The following GRID1 variants were observed in gnomAD, a reference collection of about 807,000 sequenced individuals.
GRID1 encodes glutamate receptor ionotropic, delta-1.
In GRID1, 28 loss-of-function variants were observed where a neutral mutation model predicts 98.0. That is an observed-to-expected ratio of 0.29 (90% CI 0.21 to 0.39). GRID1 has a LOEUF of 0.39. Ranked by LOEUF, GRID1 falls within the 10% of genes least tolerant of loss-of-function variation. GRID1 has a pLI of 1.00. For missense variants in GRID1, 1,111 were observed against 1,340.5 expected (o/e 0.83, Z 2.67); for synonymous variants, 553 against 538.5 (o/e 1.03, Z -0.37).
chr10:86,245,689 G>A (rs1846715886), intron 2 of GRID1, among the ~76,000 whole-genome samples: 1 of 152,238 alleles, frequency 6.6e-6, no homozygotes, highest in South Asian at 2.1e-4. Context: ...GGTGGTCCTT[G>A]AAGCCACATG....
At chr10:85,803,194 ATAACT>A (rs200637845) in intron 8 of GRID1, among the ~76,000 whole-genome samples, 341 of 152,194 alleles carry the variant, frequency 2.2e-3, no homozygotes, top group African/African-American at 7.5e-3. Flanking sequence ...ATAGACAATA[ATAACT>A]TAACTGTATA....
At chr10:86,019,906 G>A (rs1432145012) in intron 4 of GRID1, among the ~76,000 whole-genome samples, 2 of 152,244 alleles carry the variant, frequency 1.3e-5, no homozygotes, top group Non-Finnish European at 2.9e-5. Context: ...TACATTGCCA[G>A]CTTCATCCTA....
intron 4 of GRID1, among the ~76,000 whole-genome samples, chr10:85,918,792 C>A (rs1476956592): frequency 6.6e-6 from 1 of 152,206 alleles, no homozygotes; most frequent in Non-Finnish European, 1.5e-5. Flanking sequence ...GACGTCCCAT[C>A]CCAGGAAGTG....
chr10:85,609,370 T>A (rs1388773270), intron 15 of GRID1, among the ~76,000 whole-genome samples: 1 of 152,198 alleles, frequency 6.6e-6, no homozygotes, highest in African/African-American at 2.4e-5. Flanking sequence ...ACCAAGCGTG[T>A]CTCTGGGCCA....
chr10:86,015,994 G>T (rs993964738), intron 4 of GRID1, among the ~76,000 whole-genome samples: 1 of 152,000 alleles, frequency 6.6e-6, no homozygotes, highest in African/African-American at 2.4e-5. Flanking sequence ...TGTGTTGAGG[G>T]GTTGCCACAT....
intron 8 of GRID1, among the ~76,000 whole-genome samples, chr10:85,800,849 C>G (rs1842569410): frequency 6.6e-6 from 1 of 151,966 alleles, no homozygotes; most frequent in Admixed American, 6.6e-5. Context: ...AACGGAAGCA[C>G]AGAGAGTTTA....
intron 13 of GRID1, among the ~76,000 whole-genome samples, chr10:85,631,358 C>A (rs1001204050): frequency 3.9e-5 from 6 of 152,226 alleles, no homozygotes; most frequent in African/African-American, 1.4e-4. Context: ...CCCTCTTCTG[C>A]TGCCAGATTC....
At chr10:85,769,534 C>T (rs1477148136) in intron 8 of GRID1, among the ~76,000 whole-genome samples, 2 of 152,172 alleles carry the variant, frequency 1.3e-5, no homozygotes, top group African/African-American at 2.4e-5. Flanking sequence ...TTGCCTCACT[C>T]GGAAGTGCAA....
chr10:86,211,423 AC>A (rs2132023212), intron 2 of GRID1, among the ~76,000 whole-genome samples: 1 of 152,184 alleles, frequency 6.6e-6, no homozygotes, highest in Admixed American at 6.5e-5. Context: ...CCCCACCTGC[AC>A]CCTGTGTCCT....
chr10:85,966,108 C>T (rs181582187), intron 4 of GRID1, among the ~76,000 whole-genome samples: 1 of 152,302 alleles, frequency 6.6e-6, no homozygotes, highest in Non-Finnish European at 1.5e-5. Flanking sequence ...CTTATGCACA[C>T]GGTGTTGTCA....
intron 2 of GRID1, among the ~76,000 whole-genome samples, chr10:86,233,491 CAT>C (rs1846488283): frequency 6.6e-6 from 1 of 152,158 alleles, no homozygotes; most frequent in Non-Finnish European, 1.5e-5. Context: ...AGCTGGGCCT[CAT>C]AGGTGCCCCC....
intron 8 of GRID1, among the ~76,000 whole-genome samples, chr10:85,821,682 A>G (rs112042516): frequency 6.6e-6 from 1 of 152,232 alleles, no homozygotes; most frequent in East Asian, 1.9e-4. Flanking sequence ...GTATGCATAT[A>G]TATATGTATA....
At chr10:85,826,816 C>T (rs1173304324) in intron 8 of GRID1, among the ~76,000 whole-genome samples, 2 of 152,154 alleles carry the variant, frequency 1.3e-5, no homozygotes, top group African/African-American at 2.4e-5. Context: ...AAGCTGGGGG[C>T]CTGGCACCAA....
rs541760845 is a variant in GRID1, at chr10:86,010,819, A to C, written c.727-94580T>G. On this transcript the variant is annotated intron_variant, in intron 4 of 15. Transcript: ENST00000327946. ...GGCAACAGAGACTATGTCTCCAAAA[A>C]AAAAAAAAAAAGTAATGAGTTGAAG... Among the ~76,000 whole-genome samples the C allele has an allele frequency of 1.1e-4, 16 of 151,884 alleles. 1 individual carries two copies. The South Asian group carries it at 3.3e-3, about 32-fold the overall frequency.
intron 2 of GRID1, among the ~76,000 whole-genome samples, chr10:86,342,232 C>T (rs775327943): frequency 1.3e-5 from 2 of 152,176 alleles, no homozygotes; most frequent in Non-Finnish European, 2.9e-5. Flanking sequence ...TCACACGGCC[C>T]TCATGCTGCG....
intron 4 of GRID1, among the ~76,000 whole-genome samples, chr10:85,923,110 C>G (rs760588671): frequency 7.4e-6 from 1 of 134,300 alleles, no homozygotes; most frequent in East Asian, 2.2e-4. Context: ...TATTTTGTCC[C>G]AAGCCTTTCC....
chr10:85,932,396 T>C (rs1841867679), intron 4 of GRID1, among the ~76,000 whole-genome samples: 1 of 152,160 alleles, frequency 6.6e-6, no homozygotes, highest in Non-Finnish European at 1.5e-5. Context: ...TTTAATTTTT[T>C]GTAAAGATGG....
At chr10:85,701,631 A>C (rs1377870959) in intron 12 of GRID1, among the ~76,000 whole-genome samples, 1 of 152,218 alleles carries the variant, frequency 6.6e-6, no homozygotes, top group East Asian at 1.9e-4. Context: ...AGGAAATCCA[A>C]AGAGAATCAA....
intron 2 of GRID1, among the ~76,000 whole-genome samples, chr10:86,285,439 G>A (rs79567061): frequency 1.6e-4 from 25 of 152,286 alleles, no homozygotes; most frequent in African/African-American, 6.0e-4. Flanking sequence ...TCCAGCCACC[G>A]CCTGTCACAG....
Sources: gnomAD v4.1 joint callset for allele counts (sites outside exome capture counted in the v4.1 genomes callset) on GRCh38, gnomAD v4.1.1 for gene constraint, MANE v1.5 for transcripts, NCBI Gene and HGNC (gene_info 2026-07-23, HGNC 2026-07-21) for gene names.